The following CSTF3 variants were observed in gnomAD, a reference collection of about 807,000 sequenced individuals.
CSTF3 encodes the protein cleavage stimulation factor subunit 3, also known as CF-1 77 kDa subunit.
A neutral mutation model predicts 105.8 loss-of-function variants in CSTF3; 29 were observed. The observed-to-expected ratio is 0.27, with a 90% CI of 0.20 to 0.37. The LOEUF (loss-of-function observed/expected upper bound fraction) is 0.37, where lower values mean the gene tolerates loss of function less well. Among genes scored for constraint, CSTF3 ranks in the 10% least tolerant of loss-of-function variants. CSTF3 has a pLI of 1.00. For missense variants in CSTF3, 357 were observed against 879.3 expected (o/e 0.41, Z 7.51); for synonymous variants, 252 against 281.9 (o/e 0.89, Z 1.06).
intron 1 of CSTF3, among the ~76,000 whole-genome samples, chr11:33,148,206 C>T (rs1035771949): frequency 4.6e-5 from 7 of 152,266 alleles, no homozygotes; most frequent in Admixed American, 2.6e-4. Context: ...TACATGTCTC[C>T]TTAATACATC....
At chr11:33,098,608 A>G in intron 13 of CSTF3, 82 bp downstream of exon 13, 1 of 830,002 alleles carries the variant, frequency 1.2e-6, no homozygotes, top group Non-Finnish European at 2.0e-6. Context: ...AAAAACAGTG[A>G]ATTTTATTGT....
intron 17 of CSTF3, among the ~76,000 whole-genome samples, chr11:33,089,276 G>A (rs72904911): frequency 0.027 from 4,107 of 149,976 alleles, 81 homozygotes; most frequent in Non-Finnish European, 0.043. Flanking sequence ...AGCCCAGGGA[G>A]ATCAAGGCTG....
At chr11:33,097,659 G>A (rs10767989) in intron 13 of CSTF3, among the ~76,000 whole-genome samples, 84,569 of 152,004 alleles carry the variant, frequency 0.56, 26,121 homozygotes, top group Non-Finnish European at 0.69. Context: ...GAGCTACCGC[G>A]CCCAGCCTGC....
intron 17 of CSTF3, among the ~76,000 whole-genome samples, chr11:33,087,978 C>T (rs1190685487): frequency 1.3e-5 from 2 of 152,204 alleles, no homozygotes; most frequent in African/African-American, 4.8e-5. Flanking sequence ...CCCAGTGTTA[C>T]TCTGTCTGTC....
intron 3 of CSTF3, among the ~76,000 whole-genome samples, chr11:33,137,393 A>C (rs1278963363): frequency 6.6e-6 from 1 of 151,896 alleles, no homozygotes; most frequent in African/African-American, 2.4e-5. Context: ...GTCCCAAGGG[A>C]AAAAATGTAT....
rs1046558290 is a variant in CSTF3 at position 33,096,245 on chromosome 11, G to C, written c.1375+61C>G. On this transcript the variant is annotated intron_variant, in intron 15 of 20. Transcript: ENST00000323959. ...ATACATTCAAGAAGGAAGAAATCTA[G>C]CAACATAATTCCACATGGTTTAATA... is the stretch of plus-strand genomic sequence containing the variant. 8 of 1,146,324 alleles carry C rather than the reference G, an allele frequency of 7.0e-6. No homozygotes were observed. The African/African-American group carries it at 8.1e-5, about 12-fold the overall frequency. 71.0% of individuals were successfully genotyped at this position (1,146,324 alleles called of 1,614,324 possible).
chr11:33,147,570 T>C (rs1855800465), intron 1 of CSTF3, among the ~76,000 whole-genome samples: 1 of 151,148 alleles, frequency 6.6e-6, no homozygotes, highest in South Asian at 2.1e-4. Context: ...GAGTGAGACT[T>C]AGTCTCAAAA....
chr11:33,160,894 T>A (rs1565024330), intron 1 of CSTF3, among the ~76,000 whole-genome samples: 1 of 152,226 alleles, frequency 6.6e-6, no homozygotes, highest in Admixed American at 6.5e-5. Flanking sequence ...CTCAAACTAG[T>A]AACCTATTTC....
intron 15 of CSTF3, among the ~76,000 whole-genome samples, chr11:33,094,346 C>T (rs1855197786): frequency 6.6e-6 from 1 of 152,176 alleles, no homozygotes; most frequent in African/African-American, 2.4e-5. Flanking sequence ...TACAGTGAAA[C>T]ATCAAATGAT....
chr11:33,121,739 G>A (rs1035185819), intron 3 of CSTF3, among the ~76,000 whole-genome samples: 9 of 152,232 alleles, frequency 5.9e-5, no homozygotes, highest in East Asian at 5.8e-4. Context: ...GGTTAAGGTG[G>A]TGATACTTTC....
chr11:33,086,913 CT>C, intron 18 of CSTF3, 74 bp downstream of exon 18: 2 of 1,554,484 alleles, frequency 1.3e-6, no homozygotes, highest in South Asian at 1.1e-5. Flanking sequence ...GGCCATGTCA[CT>C]TTACCCCCAC....
At chr11:33,121,153 C>G (rs1855483227) in intron 3 of CSTF3, among the ~76,000 whole-genome samples, 1 of 151,948 alleles carries the variant, frequency 6.6e-6, no homozygotes, top group Non-Finnish European at 1.5e-5. Flanking sequence ...AAATTAGGAA[C>G]TTTGGAGGTT....
chr11:33,134,888 A>C (rs1023530902), intron 3 of CSTF3, among the ~76,000 whole-genome samples: 2 of 152,162 alleles, frequency 1.3e-5, no homozygotes, highest in Non-Finnish European at 2.9e-5. Flanking sequence ...ACCACCCAGA[A>C]GAATGAGAAG....
chr11:33,154,528 A>C, intron 1 of CSTF3, among the ~76,000 whole-genome samples: 1 of 115,724 alleles, frequency 8.6e-6, no homozygotes, highest in Non-Finnish European at 1.6e-5. Flanking sequence ...ATGAAGTCTC[A>C]CTCTGTCACC....
intron 9 of CSTF3, among the ~76,000 whole-genome samples, chr11:33,102,672 A>C (rs1370618925): frequency 6.6e-6 from 1 of 152,172 alleles, no homozygotes; most frequent in Non-Finnish European, 1.5e-5. Context: ...ACTGTCTTTT[A>C]AAATTTCAAT....
intron 3 of CSTF3, among the ~76,000 whole-genome samples, chr11:33,128,657 A>G (rs1238414551): frequency 1.3e-5 from 2 of 152,102 alleles, no homozygotes; most frequent in Non-Finnish European, 2.9e-5. Flanking sequence ...TAATATTTCT[A>G]TATTATTCTC....
intron 1 of CSTF3, among the ~76,000 whole-genome samples, chr11:33,159,315 G>T (rs1485496532): frequency 2.0e-5 from 3 of 151,906 alleles, no homozygotes; most frequent in African/African-American, 7.3e-5. Flanking sequence ...CAAAAATTAG[G>T]CCAGGTACGG....
At chr11:33,105,040 T>C (rs1234275962) in intron 8 of CSTF3, among the ~76,000 whole-genome samples, 1 of 152,202 alleles carries the variant, frequency 6.6e-6, no homozygotes, top group East Asian at 1.9e-4. Flanking sequence ...TAAGCCACCA[T>C]GCCCAGCCAA....
At chr11:33,120,244 AAAT>A (rs1855473129) in intron 3 of CSTF3, among the ~76,000 whole-genome samples, 1 of 151,770 alleles carries the variant, frequency 6.6e-6, no homozygotes, top group Admixed American at 6.6e-5. Flanking sequence ...TTTATAGACT[AAAT>A]AACACAAAAA....
Sources: gnomAD v4.1 joint callset for allele counts (sites outside exome capture counted in the v4.1 genomes callset) on GRCh38, gnomAD v4.1.1 for gene constraint, MANE v1.5 for transcripts, NCBI Gene and HGNC (gene_info 2026-07-23, HGNC 2026-07-21) for gene names.